PHF21A: variants seen among roughly 807,000 people sequenced by gnomAD.
PHF21A encodes the protein PHD finger protein 21A.
Under a neutral mutation model 82.5 loss-of-function variants are expected in PHF21A, and 11 were observed. The observed-to-expected ratio is 0.13, with a 90% confidence interval of 0.08 to 0.22. PHF21A has a LOEUF of 0.22. PHF21A is among the 10% of genes least tolerant of loss of function. The pLI is 1.00. For synonymous variants in PHF21A, 297 were observed against 302.8 expected, an observed-to-expected ratio of 0.98 and a Z score of 0.20; for missense variants, 579 against 837.8, an observed-to-expected ratio of 0.69 and a Z score of 3.81.
chr11:45,999,849 A>T (rs2095055343), intron 6 of PHF21A, among the ~76,000 whole-genome samples: 1 of 152,172 alleles, frequency 6.6e-6, no homozygotes. Context: ...CCTCCAGTAT[A>T]TAGAAACATC....
chr11:45,982,560 G>A (rs2094343184), intron 6 of PHF21A, among the ~76,000 whole-genome samples: 1 of 152,176 alleles, frequency 6.6e-6, no homozygotes, highest in African/African-American at 2.4e-5. Context: ...TTTAGGAGAA[G>A]GCAAAGTAAT....
At chr11:45,948,448 G>A (rs537947352) in intron 14 of PHF21A, among the ~76,000 whole-genome samples, 28 of 152,328 alleles carry the variant, frequency 1.8e-4, no homozygotes, top group African/African-American at 6.7e-4. Flanking sequence ...TTCCTGGAAA[G>A]TCTGCAGCTC....
intron 6 of PHF21A, among the ~76,000 whole-genome samples, chr11:45,985,722 C>A (rs1445041944): frequency 1.3e-5 from 2 of 152,254 alleles, no homozygotes; most frequent in Middle Eastern, 6.8e-3. Flanking sequence ...CCCTTTTTAA[C>A]CTCTTTTAAA....
At chr11:45,964,553 C>T (rs965654991) in intron 10 of PHF21A, among the ~76,000 whole-genome samples, 8 of 152,258 alleles carry the variant, frequency 5.3e-5, no homozygotes, top group African/African-American at 9.6e-5. Flanking sequence ...AGAAATAGGT[C>T]GATGACTTTT....
At chr11:45,993,849 C>A (rs1346483502) in intron 6 of PHF21A, among the ~76,000 whole-genome samples, 2 of 151,698 alleles carry the variant, frequency 1.3e-5, no homozygotes, top group Non-Finnish European at 2.9e-5. Flanking sequence ...GGGCAGCTGG[C>A]GAGATAGCTC....
chr11:46,008,147 C>A (rs1361004697), intron 6 of PHF21A, among the ~76,000 whole-genome samples: 1 of 152,196 alleles, frequency 6.6e-6, no homozygotes, highest in Non-Finnish European at 1.5e-5. Flanking sequence ...CATTTCAGCA[C>A]CTTCCCCTAC....
intron 2 of PHF21A, among the ~76,000 whole-genome samples, chr11:46,091,023 A>C (rs756500520): frequency 2.6e-5 from 4 of 152,190 alleles, no homozygotes; most frequent in Non-Finnish European, 5.9e-5. Flanking sequence ...ATTTATTTTA[A>C]AAGGTTTAAT....
Position 46,084,501 on chromosome 11 carries a change from C to T in PHF21A, c.-83-199G>A, listed in dbSNP as rs146734668. Reference sequence around the variant, plus strand: ...TTCAAATAACTAAGAAATGAAAAACCAAAAAAAGGGTTTAATCTGGTCATG... The same window carrying T: ...TTCAAATAACTAAGAAATGAAAAACTAAAAAAAGGGTTTAATCTGGTCATG... On this transcript the variant is annotated intron_variant, in intron 3 of 18. Coordinates refer to ENST00000676320, the MANE Select transcript of PHF21A (RefSeq NM_001352027.3). 3.6e-3 allele frequency among the ~76,000 whole-genome samples: 549 copies of T among 151,232 alleles called. 2 individuals carry two copies. The highest frequency in any genetic ancestry group is 0.013 in the African/African-American group (533 of 41,190).
intron 9 of PHF21A, among the ~76,000 whole-genome samples, chr11:45,966,877 A>G (rs1278786044): frequency 3.9e-5 from 6 of 152,128 alleles, no homozygotes; most frequent in African/African-American, 1.4e-4. Flanking sequence ...TTGGCCTCCC[A>G]GAGTGCTGGG....
intron 6 of PHF21A, among the ~76,000 whole-genome samples, chr11:46,022,912 G>C (rs1204695861): frequency 1.3e-5 from 2 of 152,056 alleles, no homozygotes; most frequent in Non-Finnish European, 2.9e-5. Flanking sequence ...CACCACACTT[G>C]GGTAATTTTT....
chr11:46,017,695 T>C (rs2095544172), intron 6 of PHF21A, among the ~76,000 whole-genome samples: 1 of 152,222 alleles, frequency 6.6e-6, no homozygotes, highest in South Asian at 2.1e-4. Flanking sequence ...TAACAAAGAT[T>C]ACATAAATCA....
At chr11:45,994,118 C>A (rs187602755) in intron 6 of PHF21A, among the ~76,000 whole-genome samples, 28 of 152,318 alleles carry the variant, frequency 1.8e-4, no homozygotes, top group Admixed American at 5.2e-4. Flanking sequence ...TTTTAAGATT[C>A]TGTTGCTAAC....
chr11:46,062,865 G>C (rs542339812), intron 6 of PHF21A, among the ~76,000 whole-genome samples: 45 of 152,278 alleles, frequency 3.0e-4, no homozygotes, highest in African/African-American at 1.1e-3. Context: ...ACTTGGACAT[G>C]AATGTTCAAA....
chr11:46,014,990 A>T lies in PHF21A; in HGVS notation c.154-35024T>A, dbSNP rs534373656. ...GCGAGACTCCGTCTCAAAAAAAAAA[A>T]AAAATAAAAATAAAAAAATAAAAAA... On this transcript the variant is annotated intron_variant, in intron 6 of 18. Transcript: ENST00000676320. Among the ~76,000 whole-genome samples the T allele has an allele frequency of 3.0e-3, 141 of 46,668 alleles. 39 individuals are homozygous for T. The highest frequency in any genetic ancestry group is 0.013 in the Admixed American group (57 of 4,520). The allele number at this position is 46,668 out of a possible 152,430, so 30.6% of individuals were successfully genotyped here. A position where few individuals can be genotyped will look rare whatever the true frequency, so the allele number is the denominator to read the frequency against.
chr11:46,086,310 G>A (rs1467665312), intron 3 of PHF21A, among the ~76,000 whole-genome samples: 5 of 152,096 alleles, frequency 3.3e-5, no homozygotes, highest in Admixed American at 3.3e-4. Context: ...TAGTAGAGAC[G>A]GGGTTTCACC....
chr11:45,944,507 C>T (rs1032640793), intron 15 of PHF21A, among the ~76,000 whole-genome samples: 4 of 152,140 alleles, frequency 2.6e-5, no homozygotes, highest in African/African-American at 9.7e-5. Context: ...TTACTGAGAA[C>T]GAAAGCCACA....
intron 3 of PHF21A, among the ~76,000 whole-genome samples, chr11:46,087,380 C>T (rs1219185576): frequency 1.3e-5 from 2 of 152,154 alleles, no homozygotes; most frequent in South Asian, 2.1e-4. Context: ...CTTTCTCCAT[C>T]AGATTGTTGT....
At chr11:45,967,231 G>A (rs185368758) in intron 9 of PHF21A, among the ~76,000 whole-genome samples, 109 of 152,198 alleles carry the variant, frequency 7.2e-4, no homozygotes, top group African/African-American at 2.5e-3. Flanking sequence ...AGCCAGGCAT[G>A]GTGGCACACA....
chr11:45,979,729 G>A (rs1355341877), intron 7 of PHF21A, 31 bp downstream of exon 7: 1 of 1,612,720 alleles, frequency 6.2e-7, no homozygotes, highest in Non-Finnish European at 8.5e-7. Context: ...TCTACAATCT[G>A]CAGCCTGCAA....
Sources: allele counts gnomAD v4.1 joint callset (sites outside exome capture counted in the v4.1 genomes callset), GRCh38; gene constraint gnomAD v4.1.1; transcripts MANE v1.5; gene names NCBI Gene and HGNC (gene_info 2026-07-23, HGNC 2026-07-21).